The following NSMAF variants were observed in gnomAD, a reference collection of about 807,000 sequenced individuals.
NSMAF encodes neutral sphingomyelinase activation associated factor.
Under a neutral mutation model 134.9 loss-of-function variants are expected in NSMAF, and 90 were observed. That is an observed-to-expected ratio of 0.67 (90% CI 0.56 to 0.79). The LOEUF (loss-of-function observed/expected upper bound fraction) is 0.79, where lower values mean the gene tolerates loss of function less well. Among genes scored for constraint, NSMAF ranks in the 30% least tolerant of loss-of-function variants. NSMAF has a pLI of 0.00. For missense variants in NSMAF, 1,010 were observed against 1,119.0 expected, an observed-to-expected ratio of 0.90 and a Z score of 1.39; for synonymous variants, 358 against 389.6, an observed-to-expected ratio of 0.92 and a Z score of 0.96.
At chr8:58,599,150 G>T in intron 19 of NSMAF, 82 bp downstream of exon 19, 2 of 1,389,240 alleles carry the variant, frequency 1.4e-6, no homozygotes, top group Admixed American at 4.1e-5. Context: ...TGTTGGTATT[G>T]TTTGCTTTCA....
intron 1 of NSMAF, among the ~76,000 whole-genome samples, chr8:58,652,813 G>A (rs1807616119): frequency 6.6e-6 from 1 of 152,318 alleles, no homozygotes; most frequent in South Asian, 2.1e-4. Flanking sequence ...AAAGCAAAAG[G>A]AAAATAAGGA....
rs1805893662 is a variant in NSMAF, at chr8:58,586,673, G to A, written c.2296-65C>T. 2.9e-6 allele frequency: 4 copies of A among 1,373,136 alleles called. No individual in the cohort carries two copies. The South Asian group carries it at 3.9e-5, about 14-fold the overall frequency. 85.1% of individuals were successfully genotyped at this position (1,373,136 alleles called of 1,614,324 possible). On this transcript the variant is annotated intron_variant, in intron 27 of 30. Transcript: ENST00000038176. ...TATGGTCATTAGCTATGTTTCTCTA[G>A]TCTGGTTCAAATATGTAGTCATCAT...
intron 1 of NSMAF, chr8:58,659,304 G>A (rs201696180): frequency 2.6e-6 from 4 of 1,525,536 alleles, no homozygotes; most frequent in Non-Finnish European, 2.6e-6. Flanking sequence ...CGGATAGCTC[G>A]GCATGCCTCG....
Position 58,597,178 on chromosome 8 carries a change from A to G in NSMAF, c.1792+209T>C, listed in dbSNP as rs1014873137. On this transcript the variant is annotated intron_variant, in intron 21 of 30. Transcript: ENST00000038176. ...TCATATTCAATTGCCAGAAAATAAAAGCGATTTGATTTCCCTTACAGTCTA... is the reference window on the plus strand; with the variant it reads ...TCATATTCAATTGCCAGAAAATAAAGGCGATTTGATTTCCCTTACAGTCTA... 6.6e-5 allele frequency among the ~76,000 whole-genome samples: 10 copies of G among 152,352 alleles called. 1 individual carries two copies. The highest frequency in any genetic ancestry group is 5.9e-4 in the Admixed American group (9 of 15,308).
rs1372343735 is a variant in NSMAF at position 58,585,978 on chromosome 8, T to C, written c.2469A>G (p.Thr823=). The C allele has an allele frequency of 1.2e-6, 2 of 1,613,998 alleles. No homozygotes were observed. The highest frequency in any genetic ancestry group is 1.7e-5 in the Admixed American group (1 of 60,028). ...FSPDSRHVLS[T]GTDGCLNVID... Reference sequence around the variant, plus strand: ...TGACATTAAGACAGCCATCTGTTCCTGTGCTGAGGACATGGCGACTATCTG... The same window carrying C: ...TGACATTAAGACAGCCATCTGTTCCCGTGCTGAGGACATGGCGACTATCTG... Residue 823 remains threonine, a synonymous_variant, in exon 29 of 31, where the codon ACA becomes ACG. Coordinates refer to ENST00000038176, the MANE Select transcript of NSMAF (RefSeq NM_003580.4).
intron 9 of NSMAF, among the ~76,000 whole-genome samples, chr8:58,619,310 T>C: frequency 6.6e-6 from 1 of 152,176 alleles, no homozygotes; most frequent in East Asian, 1.9e-4. Context: ...AGATGACTGA[T>C]TCCCAAATCT....
At chr8:58,642,875 A>G (rs1807367345) in intron 2 of NSMAF, 109 bp downstream of exon 2, 2 of 771,638 alleles carry the variant, frequency 2.6e-6, no homozygotes, top group African/African-American at 1.8e-5. Flanking sequence ...AATTTTTTTT[A>G]AAGCCTAATT....
At chr8:58,652,794 C>T (rs1028172970) in intron 1 of NSMAF, among the ~76,000 whole-genome samples, 6 of 152,244 alleles carry the variant, frequency 3.9e-5, no homozygotes, top group Non-Finnish European at 7.4e-5. Flanking sequence ...TCTAGCAAAA[C>T]GGATTTTCAA....
intron 30 of NSMAF, among the ~76,000 whole-genome samples, chr8:58,585,267 G>A (rs1815739562): frequency 6.6e-6 from 1 of 151,238 alleles, no homozygotes; most frequent in East Asian, 1.9e-4. Context: ...GGAGTCAGCG[G>A]TAGAAAGAAG....
chr8:58,640,724 T>A (rs1356668107), intron 2 of NSMAF, among the ~76,000 whole-genome samples: 2 of 152,162 alleles, frequency 1.3e-5, no homozygotes, highest in African/African-American at 4.8e-5. Flanking sequence ...TTTCTTTTTT[T>A]AATATATAAT....
chr8:58,646,725 A>T (rs1008050862), intron 1 of NSMAF, among the ~76,000 whole-genome samples: 3 of 152,206 alleles, frequency 2.0e-5, no homozygotes, highest in Non-Finnish European at 4.4e-5. Flanking sequence ...TTTACGGAGT[A>T]AAAGAGTCCA....
intron 9 of NSMAF, among the ~76,000 whole-genome samples, chr8:58,619,640 T>C (rs1174592508): frequency 4.6e-5 from 7 of 152,020 alleles, no homozygotes; most frequent in African/African-American, 1.7e-4. Flanking sequence ...ATTCTATATA[T>C]CAACAATAAA....
At chr8:58,610,755 T>C (rs968252916) in intron 9 of NSMAF, among the ~76,000 whole-genome samples, 2 of 152,126 alleles carry the variant, frequency 1.3e-5, no homozygotes, top group South Asian at 2.1e-4. Flanking sequence ...GATCCAAAAA[T>C]GCTGTCGACT....
chr8:58,633,001 A>C (rs763186489), intron 5 of NSMAF, among the ~76,000 whole-genome samples: 4 of 152,100 alleles, frequency 2.6e-5, no homozygotes, highest in Non-Finnish European at 5.9e-5. Flanking sequence ...GGTTCAATAC[A>C]CTTGGATTCC....
At chr8:58,603,471 C>T in intron 12 of NSMAF, 85 bp from the exon 13 acceptor site, 1 of 1,245,662 alleles carries the variant, frequency 8.0e-7, no homozygotes. Flanking sequence ...GTAGACCATC[C>T]CTGTGCATTC....
intron 19 of NSMAF, among the ~76,000 whole-genome samples, chr8:58,598,926 T>C (rs1430124834): frequency 6.6e-6 from 1 of 152,136 alleles, no homozygotes; most frequent in Non-Finnish European, 1.5e-5. Context: ...CTCGGGAGGC[T>C]GAGGCAGTAG....
intron 10 of NSMAF, 49 bp from the exon 11 acceptor site, chr8:58,607,889 A>C (rs376885018): frequency 6.8e-6 from 10 of 1,480,018 alleles, no homozygotes; most frequent in Middle Eastern, 1.7e-4. Context: ...TGACACAATT[A>C]GAAGTTGTTC....
At position 58,654,031 on chromosome 8, in the gene NSMAF, T is replaced by C. The variant is rs558490035; in HGVS notation, c.59+5542A>G. Among the ~76,000 whole-genome samples, 321 of 152,272 alleles carry C rather than the reference T, an allele frequency of 2.1e-3. 4 individuals carry two copies. The highest frequency in any genetic ancestry group is 1.7e-3 in the East Asian group (9 of 5,180). ...TTATTTCCTCTCCCGCTGTTTTTCA[T>C]GTGAGAAAAAAAAACCCTATTTCTT... On this transcript the variant is annotated intron_variant, in intron 1 of 30. Coordinates refer to ENST00000038176, the MANE Select transcript of NSMAF (RefSeq NM_003580.4).
In NSMAF at chr8:58,587,607, C is replaced by G. The variant is rs922264723; in HGVS notation, c.2295+11G>C. 1 of 1,612,826 alleles carries G rather than the reference C, an allele frequency of 6.2e-7. No individual in the cohort carries two copies. The highest frequency in any genetic ancestry group is 1.3e-5 in the African/African-American group (1 of 74,910). On this transcript the variant is annotated intron_variant, in intron 27 of 30. Transcript: ENST00000038176. ...GGTCAGTTTTCTGTACAGTTTGTTG[C>G]TGGTACTCACACTGACATCATGTTC... is the stretch of plus-strand genomic sequence containing the variant.
Sources: gnomAD v4.1 joint callset for allele counts (sites outside exome capture counted in the v4.1 genomes callset) on GRCh38, gnomAD v4.1.1 for gene constraint, MANE v1.5 for transcripts, NCBI Gene and HGNC (gene_info 2026-07-23, HGNC 2026-07-21) for gene names.